DSCAML1: variants seen among roughly 807,000 people sequenced by gnomAD.
The protein encoded by DSCAML1 is cell adhesion molecule DSCAML1.
A neutral mutation model predicts 200.5 loss-of-function variants in DSCAML1; 38 were observed. The observed-to-expected ratio is 0.19, with a 90% CI of 0.15 to 0.25. The LOEUF is 0.25. Among genes scored for constraint, DSCAML1 ranks in the 10% least tolerant of loss-of-function variants. DSCAML1 has a pLI of 1.00. For synonymous variants in DSCAML1, 1,215 were observed against 1,165.0 expected (o/e 1.04, Z -0.87); for missense variants, 2,223 against 2,858.8 (o/e 0.78, Z 5.07).
intron 3 of DSCAML1, among the ~76,000 whole-genome samples, chr11:117,578,436 G>A (rs772433175): frequency 2.0e-5 from 3 of 151,992 alleles, no homozygotes; most frequent in Non-Finnish European, 4.4e-5. Flanking sequence ...TTTGGGGGTC[G>A]AAGGCAGGAG....
chr11:117,521,762 CG>C (rs34512794), intron 5 of DSCAML1, among the ~76,000 whole-genome samples: 32,806 of 151,756 alleles, frequency 0.22, 3,717 homozygotes, highest in East Asian at 0.35. Flanking sequence ...CCTCAGAAAC[CG>C]GGGGGGGCAC....
Position 117,428,552 on chromosome 11 carries a change from G to T in DSCAML1, c.5938C>A (p.Pro1980Thr), listed in dbSNP as rs750034909. 11 of 1,544,556 alleles carry T rather than the reference G, an allele frequency of 7.1e-6. No individual in the cohort carries two copies. Among genetic ancestry groups the T allele is most frequent in the East Asian group, 2.4e-5 (1 of 41,624 alleles). Residue 1980 changes from proline to threonine, a missense_variant, in exon 33 of 33, where the codon CCA (proline) becomes ACA (threonine). This residue lies in a region of DSCAML1 where 280 missense variants were observed against 213.4 expected (regional missense o/e 1.31). Transcript: ENST00000651296. ...GGGGCTGGGGGGGCTGTGCCGGCTG[G>T]GGGGGCTGGCATGGCCAGAGTCCTC... ...PQRTLAMPAPPAGTAPPAPGP... is the reference protein window; with the variant it reads ...PQRTLAMPAPTAGTAPPAPGP...
At chr11:117,443,021 T>G (rs973876546) in intron 21 of DSCAML1, among the ~76,000 whole-genome samples, 1 of 152,156 alleles carries the variant, frequency 6.6e-6, no homozygotes, top group African/African-American at 2.4e-5. Context: ...GGCTTGGGGC[T>G]CTTGTGTTTG....
intron 3 of DSCAML1, among the ~76,000 whole-genome samples, chr11:117,693,393 T>C (rs1202470953): frequency 2.0e-5 from 3 of 152,234 alleles, no homozygotes; most frequent in African/African-American, 4.8e-5. Context: ...CTCTCCCTTC[T>C]GCATTCTGTG....
rs542897827 is a variant in DSCAML1, at chr11:117,726,719, C to T, written c.511+50072G>A. Reference sequence around the variant, plus strand: ...CAGCAGATTTGAGGGTGGGAAAGGACCCCATGATCCCCAAAGAGGGGCTCA... The same window carrying T: ...CAGCAGATTTGAGGGTGGGAAAGGATCCCATGATCCCCAAAGAGGGGCTCA... On this transcript the variant is annotated intron_variant, in intron 3 of 32. Coordinates refer to ENST00000651296, the MANE Select transcript of DSCAML1 (RefSeq NM_020693.4). Among the ~76,000 whole-genome samples the T allele has an allele frequency of 1.4e-3, 207 of 152,246 alleles. 1 individual carries two copies. Among genetic ancestry groups the T allele is most frequent in the Middle Eastern group, 6.8e-3 (2 of 294 alleles).
chr11:117,576,891 C>T (rs550028857), intron 3 of DSCAML1, among the ~76,000 whole-genome samples: 3 of 152,266 alleles, frequency 2.0e-5, no homozygotes, highest in Admixed American at 1.3e-4. Context: ...TGGTGGCCTT[C>T]GAAGGCTTAT....
intron 21 of DSCAML1, among the ~76,000 whole-genome samples, chr11:117,440,265 A>G (rs2048016080): frequency 6.6e-6 from 1 of 152,192 alleles, no homozygotes; most frequent in African/African-American, 2.4e-5. Context: ...GCAAAATGCT[A>G]TGGTAGGTGC....
intron 3 of DSCAML1, among the ~76,000 whole-genome samples, chr11:117,700,654 G>A (rs896412677): frequency 1.1e-4 from 16 of 152,228 alleles, no homozygotes; most frequent in Admixed American, 6.5e-4. Flanking sequence ...AAGGAGCACT[G>A]ATCAATATGG....
At chr11:117,562,955 G>A (rs1023125680) in intron 3 of DSCAML1, among the ~76,000 whole-genome samples, 1 of 152,186 alleles carries the variant, frequency 6.6e-6, no homozygotes, top group African/African-American at 2.4e-5. Flanking sequence ...GATGTTGGAA[G>A]GCTTGCTGAC....
intron 3 of DSCAML1, among the ~76,000 whole-genome samples, chr11:117,775,277 A>C (rs2134043298): frequency 6.6e-6 from 1 of 152,312 alleles, no homozygotes; most frequent in African/African-American, 2.4e-5. Context: ...GCAGGACCCC[A>C]CACAGCCACC....
In DSCAML1 at chr11:117,516,143, A is replaced by C. The variant is rs1405565822; in HGVS notation, c.1783+324T>G. On this transcript the variant is annotated intron_variant, in intron 8 of 32. Coordinates refer to ENST00000651296, the MANE Select transcript of DSCAML1 (RefSeq NM_020693.4). The surrounding 1 kb of genome is among the most constrained non-coding windows in gnomAD (Gnocchi z 5.7). ...GCTCCATCCCAACAGCAGAGGCCCC[A>C]TGCAGCCCATCTCTGACCTGGCCTC... 6.6e-6 allele frequency among the ~76,000 whole-genome samples: 1 copy of C among 152,124 alleles called. No individual in the cohort carries two copies.
At chr11:117,484,061 G>C (rs111854702) in intron 11 of DSCAML1, among the ~76,000 whole-genome samples, 14,350 of 90,258 alleles carry the variant, frequency 0.16, 843 homozygotes, top group Admixed American at 0.28. Flanking sequence ...CCCCGGCACC[G>C]TGTCTCTGCT....
chr11:117,568,378 A>T (rs1409472740), intron 3 of DSCAML1, among the ~76,000 whole-genome samples: 1 of 152,302 alleles, frequency 6.6e-6, no homozygotes, highest in African/African-American at 2.4e-5. Flanking sequence ...GGCCAGGGCA[A>T]TCAGGCAGGA....
rs373856276 is a variant in DSCAML1 at position 117,437,861 on chromosome 11, C to T, written c.4432+34G>A. On this transcript the variant is annotated intron_variant, in intron 25 of 32. Coordinates refer to ENST00000651296, the MANE Select transcript of DSCAML1 (RefSeq NM_020693.4). This position sits in a 1 kb window ranked among gnomAD's most constrained non-coding sequence, Gnocchi z 5.3. ...TCTAGCCCACCCTCCCTGGGCCCATCGCTCCTTCCCTGCCCCAGTGGCCTG... is the reference window on the plus strand; with the variant it reads ...TCTAGCCCACCCTCCCTGGGCCCATTGCTCCTTCCCTGCCCCAGTGGCCTG... The T allele has an allele frequency of 2.8e-5, 44 of 1,566,828 alleles. No individual in the cohort carries two copies. Among genetic ancestry groups the T allele is most frequent in the Middle Eastern group, 2.3e-4 (1 of 4,442 alleles).
Position 117,532,492 on chromosome 11 carries a change from C to T in DSCAML1, c.542G>A (p.Gly181Glu). ...EHRFFITYHGGLYISDVQKED... is the reference protein window; with the variant it reads ...EHRFFITYHGELYISDVQKED... ...CTTCTGTACGTCAGAGATGTACAGCCCGCCGTGGTAGGTAATAAAAAACCT... is the reference window on the plus strand; with the variant it reads ...CTTCTGTACGTCAGAGATGTACAGCTCGCCGTGGTAGGTAATAAAAAACCT... Residue 181 changes from glycine to glutamate, a missense_variant, in exon 4 of 33, where the codon GGG (glycine) becomes GAG (glutamate). By Grantham distance (98) the Gly-to-Glu change is moderately conservative (BLOSUM62 -2). Around this residue, in one of 7 missense-constraint regions of DSCAML1, gnomAD observed 579 missense variants for 721.5 expected, o/e 0.80. Transcript: ENST00000651296. 1 of 1,613,978 alleles carries T rather than the reference C, an allele frequency of 6.2e-7. No homozygotes were observed. The highest frequency in any genetic ancestry group is 8.5e-7 in the Non-Finnish European group (1 of 1,179,950).
intron 20 of DSCAML1, 113 bp downstream of exon 20, chr11:117,450,436 G>A: frequency 7.0e-7 from 1 of 1,427,860 alleles, no homozygotes; most frequent in Non-Finnish European, 9.4e-7. Flanking sequence ...TATGAATCCA[G>A]GCAGAAGCTC....
intron 3 of DSCAML1, among the ~76,000 whole-genome samples, chr11:117,686,653 TC>T (rs2053405168): frequency 6.6e-6 from 1 of 152,174 alleles, no homozygotes; most frequent in East Asian, 1.9e-4. Flanking sequence ...AAGAGTCCTT[TC>T]CGGTGGGCAC....
intron 3 of DSCAML1, among the ~76,000 whole-genome samples, chr11:117,703,145 C>T (rs555751080): frequency 4.6e-5 from 7 of 152,214 alleles, no homozygotes; most frequent in Non-Finnish European, 1.0e-4. Flanking sequence ...CAGAGCCTGC[C>T]GAGAATTTCA....
intron 3 of DSCAML1, among the ~76,000 whole-genome samples, chr11:117,618,431 A>G (rs192554446): frequency 1.3e-5 from 2 of 152,294 alleles, no homozygotes; most frequent in Admixed American, 6.5e-5. Context: ...CTTCTTTCAT[A>G]TAACAGCTCT....
Sources: allele counts gnomAD v4.1 joint callset (sites outside exome capture counted in the v4.1 genomes callset), GRCh38; gene constraint gnomAD v4.1.1; regional missense constraint gnomAD v4.1.1; non-coding constraint Gnocchi (gnomAD v3.1); transcripts MANE v1.5; gene names NCBI Gene and HGNC (gene_info 2026-07-23, HGNC 2026-07-21).